The following CACNG4 variants were observed in gnomAD, a reference collection of about 807,000 sequenced individuals.
CACNG4 encodes voltage-dependent calcium channel gamma-4 subunit.
A neutral mutation model predicts 22.9 loss-of-function variants in CACNG4; 8 were observed. That is an observed-to-expected ratio of 0.35 (90% confidence interval 0.21 to 0.63). The LOEUF (loss-of-function observed/expected upper bound fraction) is 0.63, where lower values mean the gene tolerates loss of function less well. Ranked by LOEUF, CACNG4 falls within the 30% of genes least tolerant of loss-of-function variation. The pLI is 0.72. For synonymous variants in CACNG4, 188 were observed against 191.9 expected (o/e 0.98, Z 0.17); for missense variants, 357 against 455.4 (o/e 0.78, Z 1.97).
intron 1 of CACNG4, among the ~76,000 whole-genome samples, chr17:66,967,102 C>T (rs2035175599): frequency 6.6e-6 from 1 of 152,154 alleles, no homozygotes. Context: ...ACTAACTCCT[C>T]CCCGCCAGCA....
chr17:67,021,470 G>A (rs1163392684), intron 2 of CACNG4, among the ~76,000 whole-genome samples: 4 of 152,248 alleles, frequency 2.6e-5, no homozygotes, highest in African/African-American at 4.8e-5. Context: ...ACTCCGCCCC[G>A]AGCCATGCTT....
chr17:67,003,586 G>C (rs1476601548), intron 1 of CACNG4, among the ~76,000 whole-genome samples: 1 of 152,058 alleles, frequency 6.6e-6, no homozygotes, highest in Admixed American at 6.5e-5. Context: ...ATCATTATTT[G>C]TTGGGGCAGG....
chr17:66,975,654 C>T (rs1039188895), intron 1 of CACNG4, among the ~76,000 whole-genome samples: 3 of 152,142 alleles, frequency 2.0e-5, no homozygotes, highest in Admixed American at 6.5e-5. Context: ...CATAAGTTGC[C>T]CAAATTTTGT....
chr17:67,013,256 G>A (rs535133076), intron 1 of CACNG4, among the ~76,000 whole-genome samples: 3 of 152,054 alleles, frequency 2.0e-5, no homozygotes, highest in Non-Finnish European at 2.9e-5. Context: ...TTCACACCTC[G>A]CTTCCCAGCT....
Position 67,031,403 on chromosome 17 carries a change from C to T in CACNG4, c.*399C>T, listed in dbSNP as rs1445844867. The T allele has an allele frequency of 8.6e-6, 4 of 464,774 alleles. No individual in the cohort carries two copies. Among genetic ancestry groups the T allele is most frequent in the East Asian group, 1.4e-4 (2 of 14,744 alleles). The allele number at this position is 464,774 out of a possible 1,614,324, so 28.8% of individuals were successfully genotyped here. A position where few individuals can be genotyped will look rare whatever the true frequency, so the allele number is the denominator to read the frequency against. On this transcript the variant is annotated 3_prime_UTR_variant, in exon 4 of 4. Coordinates refer to ENST00000262138, the MANE Select transcript of CACNG4 (RefSeq NM_014405.4). This position sits in a 1 kb window ranked among gnomAD's most constrained non-coding sequence, Gnocchi z 4.0. ...GGGCCTTCCCTCCCTGCCTGGGTGT[C>T]GGGCCACCAGAAGGCTCTGCCGGAC...
intron 1 of CACNG4, among the ~76,000 whole-genome samples, chr17:66,973,853 C>T (rs981984248): frequency 4.6e-5 from 7 of 152,206 alleles, no homozygotes; most frequent in African/African-American, 1.4e-4. Flanking sequence ...CTGCCCCCAA[C>T]GTCCCGTCCC....
chr17:67,016,384 GGTTGTC>G (rs2035497825), intron 1 of CACNG4, among the ~76,000 whole-genome samples: 1 of 152,078 alleles, frequency 6.6e-6, no homozygotes, highest in Non-Finnish European at 1.5e-5. Flanking sequence ...CAGGAATCAG[GGTTGTC>G]ACTGAACACT....
intron 1 of CACNG4, among the ~76,000 whole-genome samples, chr17:66,977,932 A>AACAGAACACGTCCTAGAG (rs1167814168): frequency 5.3e-5 from 8 of 152,182 alleles, no homozygotes; most frequent in Non-Finnish European, 8.8e-5. Flanking sequence ...TGGAGAGGGC[A>AACAGAACACGTCCTAGAG]ACAGAACACG....
chr17:67,023,684 G>T (rs1205470570), intron 2 of CACNG4, among the ~76,000 whole-genome samples: 5 of 151,714 alleles, frequency 3.3e-5, no homozygotes, highest in African/African-American at 1.2e-4. Flanking sequence ...AGATTCTCCT[G>T]CCTCAGCTTC....
intron 3 of CACNG4, 129 bp downstream of exon 3, chr17:67,025,129 A>G (rs771117366): frequency 3.4e-5 from 29 of 857,542 alleles, no homozygotes; most frequent in Non-Finnish European, 4.6e-5. Flanking sequence ...GCCACATGCA[A>G]CTGACTTGTA....
chr17:67,000,040 G>T (rs117598079), intron 1 of CACNG4, among the ~76,000 whole-genome samples: 6 of 152,114 alleles, frequency 3.9e-5, no homozygotes, highest in South Asian at 2.1e-4. Flanking sequence ...TCCAAATCTC[G>T]ATTGCCCTCC....
chr17:66,989,875 C>T (rs973084017), intron 1 of CACNG4, among the ~76,000 whole-genome samples: 7 of 145,778 alleles, frequency 4.8e-5, no homozygotes, highest in Admixed American at 1.4e-4. Flanking sequence ...ACACTTTTGT[C>T]GAAGCAACAT....
At position 66,985,952 on chromosome 17, in the gene CACNG4, AAG is replaced by A. The variant is rs144015192; in HGVS notation, c.220+20823_220+20824del. ...AGTTTGTTTAAAAAAGGAAAAAAAA[AAG>A]AAGAAGAAGAAGAAGAAGAAGGTTC... On this transcript the variant is annotated intron_variant, in intron 1 of 3. Transcript: ENST00000262138. Among the ~76,000 whole-genome samples, 1,149 of 147,008 alleles carry A rather than the reference AAG, an allele frequency of 7.8e-3. 17 individuals are homozygous for A. Among genetic ancestry groups the A allele is most frequent in the African/African-American group, 0.028 (1,097 of 38,692 alleles).
At chr17:66,965,200 GCGCGCGCGCGCGCA>G in intron 1 of CACNG4, 69 bp downstream of exon 1, 4 of 615,732 alleles carry the variant, frequency 6.5e-6, no homozygotes, top group Middle Eastern at 4.9e-4. Context: ...ACACACGCGC[GCGCGCGCGCGCGCA>G]CACACACACA....
At position 67,030,433 on chromosome 17, in the gene CACNG4, G is replaced by T; in HGVS notation, c.446-33G>T. ...CTAACCTCTGCCTCTCTCCCTCCCT[G>T]GCCCCGCTCCCCGCTCCCCGCTTCC... On this transcript the variant is annotated intron_variant, in intron 3 of 3. Coordinates refer to ENST00000262138, the MANE Select transcript of CACNG4 (RefSeq NM_014405.4). The surrounding 1 kb of genome is among the most constrained non-coding windows in gnomAD (Gnocchi z 6.4). The T allele has an allele frequency of 6.2e-7, 1 of 1,601,472 alleles. No individual in the cohort carries two copies. The highest frequency in any genetic ancestry group is 8.5e-7 in the Non-Finnish European group (1 of 1,171,530).
chr17:66,973,072 C>G (rs2035214631), intron 1 of CACNG4, among the ~76,000 whole-genome samples: 1 of 151,976 alleles, frequency 6.6e-6, no homozygotes, highest in African/African-American at 2.4e-5. Flanking sequence ...ATGGTGAAAC[C>G]CCCAACTCTA....
intron 2 of CACNG4, 66 bp from the exon 3 acceptor site, chr17:67,024,794 A>C: frequency 1.4e-6 from 2 of 1,414,714 alleles, no homozygotes; most frequent in Non-Finnish European, 1.9e-6. Flanking sequence ...AGACATACGC[A>C]GCCATGCCCG....
intron 2 of CACNG4, among the ~76,000 whole-genome samples, chr17:67,023,478 T>C (rs1249797005): frequency 6.6e-6 from 1 of 151,972 alleles, no homozygotes; most frequent in African/African-American, 2.4e-5. Context: ...GATTTCACCA[T>C]GCTAGCCAGA....
rs926665113 is a variant in CACNG4, at chr17:67,030,304, C to A, written c.446-162C>A. Among the ~76,000 whole-genome samples the A allele has an allele frequency of 6.6e-6, 1 of 152,056 alleles. No homozygotes were observed. Among genetic ancestry groups the A allele is most frequent in the African/African-American group, 2.4e-5 (1 of 41,380 alleles). On this transcript the variant is annotated intron_variant, in intron 3 of 3. Coordinates refer to ENST00000262138, the MANE Select transcript of CACNG4 (RefSeq NM_014405.4). This position sits in a 1 kb window ranked among gnomAD's most constrained non-coding sequence, Gnocchi z 6.4. Reference sequence around the variant, plus strand: ...TGAACTTTGTACTCTATTACCCATTCAACATTAATTACTGAAAAGAAAAAT... The same window carrying A: ...TGAACTTTGTACTCTATTACCCATTAAACATTAATTACTGAAAAGAAAAAT...
Sources: gnomAD v4.1 joint callset for allele counts (sites outside exome capture counted in the v4.1 genomes callset) on GRCh38, gnomAD v4.1.1 for gene constraint, Gnocchi (gnomAD v3.1) non-coding constraint, MANE v1.5 for transcripts, NCBI Gene and HGNC (gene_info 2026-07-23, HGNC 2026-07-21) for gene names.